The following HCN2 variants were observed in gnomAD, a reference collection of about 807,000 sequenced individuals.
HCN2 encodes hyperpolarization activated cyclic nucleotide gated potassium and sodium channel 2, also known as potassium/sodium hyperpolarization-activated cyclic nucleotide-gated channel 2.
Under a neutral mutation model 52.3 loss-of-function variants are expected in HCN2, and 20 were observed. The ratio of observed to expected loss-of-function variants is 0.38; its 90% CI spans 0.27 to 0.56. The LOEUF is 0.56. Ranked by LOEUF, HCN2 falls within the 20% of genes least tolerant of loss-of-function variation. The pLI is 0.71. For synonymous variants in HCN2, 694 were observed against 537.0 expected (o/e 1.29, Z -4.04); for missense variants, 981 against 1,207.7 (o/e 0.81, Z 2.78).
At position 603,938 on chromosome 19, in the gene HCN2, C is replaced by T; in HGVS notation, c.1027C>T (p.Leu343=). The part of the protein sequence containing the change: ...SLLRLLRLSR[L]IRYIHQWEEI... The stretch of plus-strand genomic sequence containing the variant: ...CCTGCGGCTGCTGCGCCTCTCACGC[C>T]TGATCCGCTACATCCATCAGTGGGA... Residue 343 remains leucine (L), a synonymous_variant, in exon 2 of 8, where the codon CTG becomes TTG. Coordinates refer to ENST00000251287, the MANE Select transcript of HCN2 (RefSeq NM_001194.4). 1 of 1,607,382 alleles carries T rather than the reference C, an allele frequency of 6.2e-7. No homozygotes were observed.
exon 8 of HCN2, chr19:617,154 C>CGCCAA: frequency 1.2e-6 from 1 of 849,460 alleles, no homozygotes; most frequent in Non-Finnish European, 1.8e-6. Flanking sequence ...ACAGCATTGG[C>CGCCAA]GCCAAGCCTG....
In HCN2 at chr19:617,083, G is replaced by GCCCCCACCGTGGCC. The variant is rs1555733393; in HGVS notation, c.*614_*627dup. 1 of 598,872 alleles carries GCCCCCACCGTGGCC rather than the reference G, an allele frequency of 1.7e-6. No individual in the cohort carries two copies. The highest frequency in any genetic ancestry group is 3.0e-6 in the Non-Finnish European group (1 of 337,478). The allele number at this position is 598,872 out of a possible 1,614,324, so 37.1% of individuals were successfully genotyped here. On this transcript the variant is annotated 3_prime_UTR_variant, in exon 8 of 8. Coordinates refer to ENST00000251287, the MANE Select transcript of HCN2 (RefSeq NM_001194.4). ...TGTACTGACGAGCCGAGGCAGCAGT[G>GCCCCCACCGTGGCC]CCCCCACCGTGGCCCCCCACGCCCC...
Position 612,427 on chromosome 19 carries a change from T to TGTGTGTGTGTGTGTGGGA in HCN2, c.1585-820_1585-819insTGTGTGTGTGTGTGGGAG. Among the ~76,000 whole-genome samples, 210 of 142,354 alleles carry TGTGTGTGTGTGTGTGGGA rather than the reference T, an allele frequency of 1.5e-3. 2 individuals carry two copies. Among genetic ancestry groups the TGTGTGTGTGTGTGTGGGA allele is most frequent in the Non-Finnish European group, 2.6e-3 (172 of 65,276 alleles). 93.4% of individuals were successfully genotyped at this position (142,354 alleles called of 152,430 possible). A position where few individuals can be genotyped will look rare whatever the true frequency, so the allele number is the denominator to read the frequency against. ...GTGTGTGTGTGTGTGTGTGTGTGTG[T>TGTGTGTGTGTGTGTGGGA]GAGAGAGAGATGGAGTCTCGCTCTG... On this transcript the variant is annotated intron_variant, in intron 5 of 7. Transcript: ENST00000251287.
At chr19:614,988 C>T (rs1322968645) in intron 7 of HCN2, among the ~76,000 whole-genome samples, 1 of 152,102 alleles carries the variant, frequency 6.6e-6, no homozygotes, top group Non-Finnish European at 1.5e-5. Context: ...AGGAAGCTCT[C>T]CACAACTTGC....
intron 4 of HCN2, among the ~76,000 whole-genome samples, chr19:609,358 C>T (rs755080621): frequency 3.9e-5 from 6 of 152,158 alleles, no homozygotes; most frequent in African/African-American, 1.4e-4. Flanking sequence ...GAAAGATCAT[C>T]AGGGAAGGGC....
intron 6 of HCN2, 74 bp from the exon 7 acceptor site, chr19:613,777 CG>C: frequency 7.2e-7 from 1 of 1,388,602 alleles, no homozygotes; most frequent in Admixed American, 3.3e-5. Flanking sequence ...GTGCAGAGGC[CG>C]GGCCGTGTGC....
intron 1 of HCN2, among the ~76,000 whole-genome samples, chr19:597,307 T>C (rs1983059047): frequency 6.6e-6 from 1 of 152,230 alleles, no homozygotes. Context: ...TCCTGGGGTC[T>C]CATCCTGCAG....
chr19:599,710 C>G (rs11085137), intron 1 of HCN2, among the ~76,000 whole-genome samples: 1 of 151,580 alleles, frequency 6.6e-6, no homozygotes, highest in East Asian at 1.9e-4. Flanking sequence ...ATGGTGTGAA[C>G]CCTGGAGGCG....
rs1039196668 is a variant in HCN2 at position 616,375 on chromosome 19, C to T, written c.2571C>T (p.Ala857=). Residue 857 remains alanine, a synonymous_variant, in exon 8 of 8, where the codon GCC becomes GCT. Coordinates refer to ENST00000251287, the MANE Select transcript of HCN2 (RefSeq NM_001194.4). Reference sequence around the variant, plus strand: ...GGCCCACGCCCGCTGCCCGGGCCGCCGCGCCCAGCCCGGACCGCAGGGACT... The same window carrying T: ...GGCCCACGCCCGCTGCCCGGGCCGCTGCGCCCAGCCCGGACCGCAGGGACT... The part of the protein sequence containing the change: ...RLGPTPAARA[A]APSPDRRDSA... The T allele has an allele frequency of 1.5e-5, 18 of 1,230,990 alleles. No homozygotes were observed. The East Asian group carries it at 2.2e-4, about 15-fold the overall frequency. The allele number at this position is 1,230,990 out of a possible 1,614,324, so 76.3% of individuals were successfully genotyped here.
chr19:606,195 G>A (rs1983422799), intron 3 of HCN2, among the ~76,000 whole-genome samples: 1 of 152,066 alleles, frequency 6.6e-6, no homozygotes, highest in African/African-American at 2.4e-5. Flanking sequence ...CACCTCCCAG[G>A]GTTCAAGGGA....
intron 5 of HCN2, among the ~76,000 whole-genome samples, chr19:612,393 G>GGTGGGTGTGTGTGTGT (rs1215986490): frequency 1.4e-5 from 2 of 141,770 alleles, no homozygotes; most frequent in South Asian, 2.3e-4. Flanking sequence ...GCTTTCCACT[G>GGTGGGTGTGTGTGTGT]GTGTGTGTGT....
intron 1 of HCN2, among the ~76,000 whole-genome samples, chr19:598,640 C>T (rs1453663619): frequency 1.3e-5 from 2 of 152,290 alleles, no homozygotes; most frequent in East Asian, 3.9e-4. Context: ...CTCGCTCTGT[C>T]GCCCAGGCTG....
chr19:600,322 G>A (rs949459636), intron 1 of HCN2, among the ~76,000 whole-genome samples: 5 of 152,046 alleles, frequency 3.3e-5, no homozygotes, highest in African/African-American at 1.2e-4. Context: ...ACAGGCGCCC[G>A]CCACCACGCC....
chr19:607,932 GC>G, intron 3 of HCN2, 31 bp from the exon 4 acceptor site: 1 of 1,564,760 alleles, frequency 6.4e-7, no homozygotes, highest in Non-Finnish European at 8.7e-7. Context: ...GTGAGCACCT[GC>G]CCACCACCGC....
Position 616,243 on chromosome 19 carries a change from G to A in HCN2, c.2439G>A (p.Leu813=), listed in dbSNP as rs1983914443. The change falls in exon 8 of 8, where the codon CTG becomes CTA. Residue 813 remains leucine, a synonymous_variant. Transcript: ENST00000251287. ...GGCCCGCCCTGCCCGCGCGCCGCCT[G>A]AGCCGCGCGTCGCGCCCACTGTCCG... ...LAGPALPARR[L]SRASRPLSAS... 9.9e-7 allele frequency: 1 copy of A among 1,006,296 alleles called. No individual in the cohort carries two copies. Among genetic ancestry groups the A allele is most frequent in the Non-Finnish European group, 1.2e-6 (1 of 846,934 alleles). The allele number at this position is 1,006,296 out of a possible 1,614,324, so 62.3% of individuals were successfully genotyped here. A position where few individuals can be genotyped will look rare whatever the true frequency, so the allele number is the denominator to read the frequency against.
chr19:600,474 G>A (rs1983168001), intron 1 of HCN2, among the ~76,000 whole-genome samples: 1 of 152,162 alleles, frequency 6.6e-6, no homozygotes, highest in South Asian at 2.1e-4. Flanking sequence ...CCGAGTAGCT[G>A]GGACTACAGG....
intron 4 of HCN2, among the ~76,000 whole-genome samples, 159 bp from the exon 5 acceptor site, chr19:610,100 C>T (rs1350245995): frequency 6.7e-6 from 1 of 149,720 alleles, no homozygotes; most frequent in Non-Finnish European, 1.5e-5. Flanking sequence ...CCGCCACAGG[C>T]CGGGGGGCTG....
In HCN2 at chr19:603,927, G is replaced by A; in HGVS notation, c.1016G>A (p.Arg339His). 6.2e-7 allele frequency: 1 copy of A among 1,607,062 alleles called. No individual in the cohort carries two copies. ...ATCCTCAGCCTCCTGCGGCTGCTGCGCCTCTCACGCCTGATCCGCTACATC... is the reference window on the plus strand; with the variant it reads ...ATCCTCAGCCTCCTGCGGCTGCTGCACCTCTCACGCCTGATCCGCTACATC... ...TKILSLLRLL[R>H]LSRLIRYIHQ... is the part of the protein sequence containing the mutation. Residue 339 changes from arginine (R) to histidine (H), a missense_variant, in exon 2 of 8, where the codon CGC becomes CAC. Physicochemically the swap from Arg to His is conservative, Grantham distance 29. Transcript: ENST00000251287.
At chr19:611,710 C>CA (rs1983644696) in intron 5 of HCN2, among the ~76,000 whole-genome samples, 1 of 152,188 alleles carries the variant, frequency 6.6e-6, no homozygotes, top group Admixed American at 6.5e-5. Context: ...CCCGATACCA[C>CA]AGCCTCACTC....
Sources: allele counts gnomAD v4.1 joint callset (sites outside exome capture counted in the v4.1 genomes callset), GRCh38; gene constraint gnomAD v4.1.1; transcripts MANE v1.5; gene names NCBI Gene and HGNC (gene_info 2026-07-23, HGNC 2026-07-21).